The following CSMD2 variants were observed in gnomAD, a reference collection of about 807,000 sequenced individuals.
CSMD2 encodes the protein CUB and sushi domain-containing protein 2.
A neutral mutation model predicts 398.5 loss-of-function variants in CSMD2; 130 were observed. The observed-to-expected ratio is 0.33, with a 90% CI of 0.28 to 0.38. The LOEUF (loss-of-function observed/expected upper bound fraction) is 0.38, where lower values mean the gene tolerates loss of function less well. CSMD2 is among the 10% of genes least tolerant of loss of function. The pLI is 1.00. For missense variants in CSMD2, 3,829 were observed against 4,764.9 expected, an observed-to-expected ratio of 0.80 and a Z score of 5.78; for synonymous variants, 1,828 against 1,908.5, an observed-to-expected ratio of 0.96 and a Z score of 1.10.
chr1:33,672,349 C>T (rs377220272), intron 25 of CSMD2, among the ~76,000 whole-genome samples: 243 of 151,936 alleles, frequency 1.6e-3, no homozygotes, highest in East Asian at 5.8e-3. Context: ...GAGGGTCCTA[C>T]GCCCACGGAG....
rs756284477 is a variant in CSMD2 at position 33,567,657 on chromosome 1, G to A, written c.8316C>T (p.Ile2772=). ...VYQCNAGFRL[I]GMSVRICQQD... The stretch of plus-strand genomic sequence containing the variant: ...GCTGGCAGATGCGCACAGACATGCC[G>A]ATCAGGCGGAAGCCAGCATTGCATT... Residue 2772 remains isoleucine (I), a synonymous_variant, in exon 53 of 71, where the codon ATC becomes ATT. Transcript: ENST00000373381. The A allele has an allele frequency of 1.4e-5, 23 of 1,613,990 alleles. No individual in the cohort carries two copies. Among genetic ancestry groups the A allele is most frequent in the Admixed American group, 5.0e-5 (3 of 60,004 alleles).
In CSMD2 at chr1:33,870,111, A is replaced by T. The variant is rs1640352817; in HGVS notation, c.921-23115T>A. On this transcript the variant is annotated intron_variant, in intron 5 of 70. Transcript: ENST00000373381. ...CAATTCCTGGGCCTTTAAGATAGGA[A>T]GTCAGGTCTGTGGATGGGGTGAGGT... 3.3e-5 allele frequency: 5 copies of T among 152,200 alleles called. 1 individual carries two copies. Among genetic ancestry groups the T allele is most frequent in the Admixed American group, 3.3e-4 (5 of 15,290 alleles). The allele number at this position is 152,200 out of a possible 1,614,324, so 9.4% of individuals were successfully genotyped here.
chr1:33,621,422 A>C (rs1641763928), intron 37 of CSMD2, among the ~76,000 whole-genome samples: 1 of 152,130 alleles, frequency 6.6e-6, no homozygotes, highest in South Asian at 2.1e-4. Context: ...CTCTCTGTCT[A>C]TGTGTCTACC....
Position 33,901,950 on chromosome 1 carries a change from T to G in CSMD2, c.920+16144A>C, listed in dbSNP as rs1243287182. ...GAATCTACTTCCTTTATATTATCAC[T>G]CTGGAAAGTATTCTATTTAGGCCCA... On this transcript the variant is annotated intron_variant, in intron 5 of 70. Coordinates refer to ENST00000373381, the MANE Select transcript of CSMD2 (RefSeq NM_001281956.2). Among the ~76,000 whole-genome samples the G allele has an allele frequency of 3.3e-5, 5 of 152,300 alleles. No individual in the cohort carries two copies. The South Asian group carries it at 6.2e-4, about 19-fold the overall frequency.
At chr1:33,826,728 C>T (rs1557959047) in intron 6 of CSMD2, among the ~76,000 whole-genome samples, 1 of 152,192 alleles carries the variant, frequency 6.6e-6, no homozygotes, top group Non-Finnish European at 1.5e-5. Flanking sequence ...CCTCTGTACC[C>T]ATCAGCCGCC....
At chr1:33,793,295 G>C (rs936865851) in intron 10 of CSMD2, among the ~76,000 whole-genome samples, 1 of 152,140 alleles carries the variant, frequency 6.6e-6, no homozygotes, top group African/African-American at 2.4e-5. Context: ...GGCTACTGAT[G>C]ACCCCATCAG....
intron 22 of CSMD2, among the ~76,000 whole-genome samples, chr1:33,701,334 A>T (rs958873339): frequency 1.1e-4 from 16 of 152,054 alleles, no homozygotes; most frequent in Non-Finnish European, 1.5e-5. Context: ...GGCTTCCCTC[A>T]CTCCCATCTG....
chr1:33,670,388 T>A (rs1329237940), intron 25 of CSMD2, among the ~76,000 whole-genome samples: 3 of 152,238 alleles, frequency 2.0e-5, no homozygotes, highest in African/African-American at 7.2e-5. Context: ...CAGGGACCCC[T>A]GTGGTTCATC....
At chr1:33,917,339 AAC>A (rs1339282916) in intron 5 of CSMD2, among the ~76,000 whole-genome samples, 1 of 152,208 alleles carries the variant, frequency 6.6e-6, no homozygotes, top group Non-Finnish European at 1.5e-5. Context: ...TCCTCCTGAT[AAC>A]ACAGCCACAA....
chr1:34,098,236 G>C (rs1299695547), intron 1 of CSMD2, among the ~76,000 whole-genome samples: 9 of 131,948 alleles, frequency 6.8e-5, no homozygotes, highest in Non-Finnish European at 1.3e-4. Flanking sequence ...ACACAGGAAG[G>C]GGAACATCAC....
rs41312016 is a variant in CSMD2 at position 33,569,581 on chromosome 1, C to A, written c.7958-34G>T. On this transcript the variant is annotated intron_variant, in intron 51 of 70. Transcript: ENST00000373381. ...ATCACAAGATGCTCAGTAAGCCAGC[C>A]CCAAGAGGAGGGACATGGCTGCTTC... is the stretch of plus-strand genomic sequence containing the variant. 1.9e-6 allele frequency: 3 copies of A among 1,601,364 alleles called. No individual in the cohort carries two copies. The East Asian group carries it at 6.7e-5, about 36-fold the overall frequency.
chr1:33,679,919 C>CTTTT (rs11415719), intron 25 of CSMD2, among the ~76,000 whole-genome samples: 3 of 144,086 alleles, frequency 2.1e-5, no homozygotes, highest in Non-Finnish European at 3.0e-5. Flanking sequence ...TTGAATTTTA[C>CTTTT]TTTTTTTTTT....
intron 53 of CSMD2, among the ~76,000 whole-genome samples, chr1:33,564,794 C>T (rs561474457): frequency 6.6e-6 from 1 of 151,396 alleles, no homozygotes; most frequent in Admixed American, 6.6e-5. Context: ...TGGCCCCATC[C>T]CATATATAAA....
chr1:33,694,975 G>A (rs1276846744), intron 24 of CSMD2, among the ~76,000 whole-genome samples: 3 of 152,208 alleles, frequency 2.0e-5, no homozygotes, highest in Non-Finnish European at 4.4e-5. Flanking sequence ...CACACTGTGT[G>A]CTAGGTATCC....
At chr1:34,053,649 A>C (rs1653483910) in intron 2 of CSMD2, among the ~76,000 whole-genome samples, 1 of 152,238 alleles carries the variant, frequency 6.6e-6, no homozygotes. Context: ...TGTAGTAAGA[A>C]ACATGCTATT....
At chr1:33,542,538 T>G (rs1020448953) in intron 58 of CSMD2, among the ~76,000 whole-genome samples, 182 bp downstream of exon 58, 2 of 152,194 alleles carry the variant, frequency 1.3e-5, no homozygotes, top group African/African-American at 4.8e-5. Context: ...TGAAATAAAG[T>G]ACTTCGCTCA....
intron 3 of CSMD2, among the ~76,000 whole-genome samples, chr1:33,978,342 C>T (rs1383486446): frequency 6.6e-6 from 1 of 152,038 alleles, no homozygotes; most frequent in African/African-American, 2.4e-5. Flanking sequence ...TTCATTCATT[C>T]CCAACTTATT....
intron 3 of CSMD2, among the ~76,000 whole-genome samples, chr1:34,020,784 C>A (rs370295586): frequency 4.7e-4 from 72 of 152,220 alleles, no homozygotes; most frequent in African/African-American, 1.5e-3. Context: ...GGTTATGTGT[C>A]GGTTGTTGTC....
At chr1:33,973,074 AC>A (rs1645830122) in intron 3 of CSMD2, among the ~76,000 whole-genome samples, 1 of 151,940 alleles carries the variant, frequency 6.6e-6, no homozygotes, top group Non-Finnish European at 1.5e-5. Context: ...GCTCCCAGCC[AC>A]CCCTCCAGAC....
Sources: allele counts gnomAD v4.1 joint callset (sites outside exome capture counted in the v4.1 genomes callset), GRCh38; gene constraint gnomAD v4.1.1; transcripts MANE v1.5; gene names NCBI Gene and HGNC (gene_info 2026-07-23, HGNC 2026-07-21).